Variants in COL28A1 observed in about 807,000 individuals in gnomAD.
COL28A1 encodes collagen alpha-1(XXVIII) chain.
COL28A1 carries 161 observed loss-of-function variants against 150.2 expected under a neutral mutation model. That is an observed-to-expected ratio of 1.07 (90% CI 0.94 to 1.22). The LOEUF is 1.22. Ranked by LOEUF, COL28A1 falls within the 50% of genes most tolerant of loss-of-function variation. The probability of loss-of-function intolerance (pLI) is 0.00; values close to 1 mark genes in which losing one functional copy is unlikely to be tolerated. For synonymous variants in COL28A1, 552 were observed against 469.7 expected, an observed-to-expected ratio of 1.18 and a Z score of -2.26; for missense variants, 1,617 against 1,388.3, an observed-to-expected ratio of 1.16 and a Z score of -2.62.
intron 27 of COL28A1, among the ~76,000 whole-genome samples, chr7:7,398,671 T>C (rs946827018): frequency 9.9e-5 from 15 of 152,244 alleles, no homozygotes; most frequent in Non-Finnish European, 1.5e-4. Flanking sequence ...AACAGCTATC[T>C]GTAAAACCTG....
chr7:7,372,257 G>A (rs1781268198), intron 32 of COL28A1, among the ~76,000 whole-genome samples: 1 of 151,632 alleles, frequency 6.6e-6, no homozygotes, highest in Admixed American at 6.6e-5. Flanking sequence ...AAATTAGCCG[G>A]GCATGGTGGC....
intron 23 of COL28A1, 60 bp from the exon 24 acceptor site, chr7:7,432,760 C>T: frequency 1.5e-5 from 20 of 1,351,980 alleles, no homozygotes; most frequent in Non-Finnish European, 2.1e-5. Context: ...CCTGGTCAAA[C>T]TTAAGCATAA....
At position 7,358,758 on chromosome 7, in the gene COL28A1, C is replaced by A. The variant is rs779171061; in HGVS notation, c.3253G>T (p.Val1085Leu). The change falls in exon 35 of 35, where the codon GTG becomes TTG. Residue 1085 changes from valine to leucine, a missense_variant. Val to Leu is a conservative substitution (Grantham distance 32). Transcript: ENST00000399429. ...ALKPGNCGEY[V>L]VRWYYDKQVN... ...TGTTTGTCATAATACCATCGAACCA[C>A]ATATTCACCACAGTTTCCAGGCTTC... The A allele has an allele frequency of 6.2e-7, 1 of 1,614,000 alleles. No homozygotes were observed. The highest frequency in any genetic ancestry group is 8.5e-7 in the Non-Finnish European group (1 of 1,179,962).
In COL28A1 at chr7:7,481,880, GT is replaced by G. The variant is rs371287054; in HGVS notation, c.1165-4701del. ...AAAATAATTATAGTTCCCTTTCAGG[GT>G]TTTTTTTTTAATTTACAGTGCTCTG... is the stretch of plus-strand genomic sequence containing the variant. On this transcript the variant is annotated intron_variant, in intron 13 of 34. Coordinates refer to ENST00000399429, the MANE Select transcript of COL28A1 (RefSeq NM_001037763.3). 5.1e-3 allele frequency among the ~76,000 whole-genome samples: 762 copies of G among 148,228 alleles called. 5 individuals carry two copies. Among genetic ancestry groups the G allele is most frequent in the East Asian group, 0.027 (139 of 5,086 alleles).
At chr7:7,377,285 A>G (rs1781607878) in intron 30 of COL28A1, among the ~76,000 whole-genome samples, 1 of 152,192 alleles carries the variant, frequency 6.6e-6, no homozygotes, top group Non-Finnish European at 1.5e-5. Flanking sequence ...GGAAGAGTTC[A>G]TTCCTTCCAC....
At chr7:7,528,507 T>C (rs1357240281) in intron 3 of COL28A1, among the ~76,000 whole-genome samples, 4 of 152,244 alleles carry the variant, frequency 2.6e-5, no homozygotes, top group East Asian at 3.8e-4. Context: ...CTGAAGAATC[T>C]ATTCATTCTG....
downstream of COL28A1, among the ~76,000 whole-genome samples, chr7:7,354,871 T>C (rs530734051): frequency 2.0e-5 from 3 of 152,258 alleles, no homozygotes; most frequent in African/African-American, 7.2e-5. Flanking sequence ...CTGGTTTGGA[T>C]GCCTCTGACA....
At chr7:7,400,503 C>T (rs770423730) in intron 27 of COL28A1, among the ~76,000 whole-genome samples, 1 of 152,108 alleles carries the variant, frequency 6.6e-6, no homozygotes, top group African/African-American at 2.4e-5. Context: ...GTCTGCATGG[C>T]CAGGTGCCCT....
intron 15 of COL28A1, among the ~76,000 whole-genome samples, chr7:7,461,525 C>T (rs1221134076): frequency 6.6e-6 from 1 of 152,162 alleles, no homozygotes; most frequent in Non-Finnish European, 1.5e-5. Context: ...TGCCTGGAAA[C>T]AGACTCAGTG....
Position 7,432,670 on chromosome 7 carries a change from C to A in COL28A1, c.1891G>T (p.Ala631Ser). ...GVQGPRGPVGAPGLKGDGYPG... is the reference protein window; with the variant it reads ...GVQGPRGPVGSPGLKGDGYPG... ...TAGCCATCACCTTTGAGTCCTGGAG[C>A]ACCCACTGGTCCCCGAGGGCCTTGG... is the stretch of plus-strand genomic sequence containing the variant. Residue 631 changes from alanine (A) to serine (S), a missense_variant, in exon 24 of 35, where the codon GCT (alanine) becomes TCT (serine). Transcript: ENST00000399429. 6.2e-7 allele frequency: 1 copy of A among 1,613,968 alleles called. No homozygotes were observed. Among genetic ancestry groups the A allele is most frequent in the African/African-American group, 1.3e-5 (1 of 75,018 alleles).
At chr7:7,441,444 T>C (rs1042814476) in intron 20 of COL28A1, among the ~76,000 whole-genome samples, 1 of 150,360 alleles carries the variant, frequency 6.7e-6, no homozygotes, top group Non-Finnish European at 1.5e-5. Flanking sequence ...CCAAAAGAAT[T>C]CCTTTACCTT....
the COL28A1 span, among the ~76,000 whole-genome samples, chr7:7,348,270 G>A: frequency 5.3e-5 from 8 of 152,030 alleles, no homozygotes; most frequent in South Asian, 2.1e-4. Flanking sequence ...TATGAGTTAC[G>A]TAGTGTAAGG....
rs778411178 is a variant in COL28A1, at chr7:7,370,878, G to C, written c.2913C>G (p.Thr971=). The C allele has an allele frequency of 1.2e-6, 2 of 1,604,390 alleles. No homozygotes were observed. Among genetic ancestry groups the C allele is most frequent in the South Asian group, 2.2e-5 (2 of 90,158 alleles). ...QFDDFFTLQD[T]LKQKLFQKIC... ...TTTTTTGAAACAATTTTTGCTTCAG[G>C]GTGTCTTTTAAAAAAGAAGTAGAAA... The change falls in exon 33 of 35, where the codon ACC becomes ACG. Residue 971 remains threonine, a synonymous_variant. Transcript: ENST00000399429.
chr7:7,387,566 C>T lies in COL28A1; in HGVS notation c.2137-5954G>A, dbSNP rs148225550. ...ACCAAATCTGAATTTTACTCTCAAGCGTTGCAGAAAAATAATATGACACAG... is the reference window on the plus strand; with the variant it reads ...ACCAAATCTGAATTTTACTCTCAAGTGTTGCAGAAAAATAATATGACACAG... On this transcript the variant is annotated intron_variant, in intron 27 of 34. Coordinates refer to ENST00000399429, the MANE Select transcript of COL28A1 (RefSeq NM_001037763.3). 4.4e-3 allele frequency among the ~76,000 whole-genome samples: 668 copies of T among 151,736 alleles called. 11 individuals are homozygous for T. The highest frequency in any genetic ancestry group is 0.015 in the African/African-American group (628 of 41,260).
At chr7:7,508,776 C>A (rs1181228221) in intron 9 of COL28A1, among the ~76,000 whole-genome samples, 1 of 152,016 alleles carries the variant, frequency 6.6e-6, no homozygotes, top group Non-Finnish European at 1.5e-5. Context: ...AGCAATCCTC[C>A]CACCTCAGCC....
Position 7,372,996 on chromosome 7 carries a change from A to T in COL28A1, c.2908+2T>A, listed in dbSNP as rs1781315478. 3 of 1,611,330 alleles carry T rather than the reference A, an allele frequency of 1.9e-6. No individual in the cohort carries two copies. Among genetic ancestry groups the T allele is most frequent in the Non-Finnish European group, 2.5e-6 (3 of 1,178,452 alleles). ...TCCCCTGGGCCAGATAGCCTTCCTT[A>T]CCTTGCAGGGTAAAGAAATCATCAA... is the stretch of plus-strand genomic sequence containing the variant. On this transcript the variant is annotated splice_donor_variant, in intron 32 of 34. Transcript: ENST00000399429. LOFTEE classifies it high-confidence loss of function.
At chr7:7,411,223 G>C (rs1269250620) in intron 27 of COL28A1, among the ~76,000 whole-genome samples, 3 of 152,156 alleles carry the variant, frequency 2.0e-5, no homozygotes, top group Non-Finnish European at 4.4e-5. Flanking sequence ...TGGCACAACT[G>C]AGACAAACCA....
At chr7:7,531,278 C>T (rs917821594) in intron 3 of COL28A1, 70 bp downstream of exon 3, 7 of 666,962 alleles carry the variant, frequency 1.0e-5, no homozygotes, top group Admixed American at 5.4e-5. Context: ...AGTATCTCTT[C>T]TTATGGGATT....
intron 25 of COL28A1, among the ~76,000 whole-genome samples, chr7:7,429,473 T>TG (rs748310656): frequency 0.015 from 1,655 of 106,972 alleles, 28 homozygotes; most frequent in Admixed American, 0.029. Flanking sequence ...TGTGTGTGTG[T>TG]GGGGGGGGGG....
Sources: allele counts gnomAD v4.1 joint callset (sites outside exome capture counted in the v4.1 genomes callset), GRCh38; gene constraint gnomAD v4.1.1; transcripts MANE v1.5; gene names NCBI Gene and HGNC (gene_info 2026-07-23, HGNC 2026-07-21).